LRRTM4: variants seen among roughly 807,000 people sequenced by gnomAD.
LRRTM4 encodes the protein leucine rich repeat transmembrane neuronal 4.
In LRRTM4, 25 loss-of-function variants were observed where a neutral mutation model predicts 47.6. The ratio of observed to expected loss-of-function variants is 0.53; its 90% CI spans 0.38 to 0.73. The LOEUF (loss-of-function observed/expected upper bound fraction) is 0.73. Among genes scored for constraint, LRRTM4 ranks in the 30% least tolerant of loss-of-function variants. The pLI is 0.00. For missense variants in LRRTM4, 638 were observed against 713.4 expected, an observed-to-expected ratio of 0.89 and a Z score of 1.20; for synonymous variants, 311 against 269.5, an observed-to-expected ratio of 1.15 and a Z score of -1.51.
At chr2:76,833,755 G>A (rs970019148) in intron 3 of LRRTM4, among the ~76,000 whole-genome samples, 2 of 151,688 alleles carry the variant, frequency 1.3e-5, no homozygotes, top group Non-Finnish European at 2.9e-5. Flanking sequence ...ATGTGAAAAT[G>A]AGACAATTTT....
At chr2:76,909,382 A>G (rs1219082719) in intron 3 of LRRTM4, among the ~76,000 whole-genome samples, 3 of 152,232 alleles carry the variant, frequency 2.0e-5, no homozygotes, top group African/African-American at 2.4e-5. Flanking sequence ...ACCTAAATCC[A>G]TAAAAACCCT....
intron 3 of LRRTM4, among the ~76,000 whole-genome samples, chr2:77,293,392 T>C (rs114700940): frequency 0.031 from 4,783 of 152,038 alleles, 257 homozygotes; most frequent in African/African-American, 0.11. Flanking sequence ...TTAAGAGAAA[T>C]CCAGGAAATG....
At chr2:77,480,823 GAGAGAGAGAGAGA>G (rs1191002827) in intron 3 of LRRTM4, among the ~76,000 whole-genome samples, 26 of 24,502 alleles carry the variant, frequency 1.1e-3, no homozygotes, top group South Asian at 5.4e-3. Flanking sequence ...TGTGTGTGTG[GAGAGAGAGAGAGA>G]GAGAGAGAGA....
At chr2:77,125,547 C>T (rs1044970270) in intron 3 of LRRTM4, among the ~76,000 whole-genome samples, 4 of 152,108 alleles carry the variant, frequency 2.6e-5, no homozygotes, top group Non-Finnish European at 4.4e-5. Context: ...TAAAAGTAAA[C>T]GAGGACCATC....
chr2:76,786,012 G>C (rs528869307), intron 3 of LRRTM4, among the ~76,000 whole-genome samples: 1 of 152,248 alleles, frequency 6.6e-6, no homozygotes, highest in African/African-American at 2.4e-5. Context: ...ATACCTAGCT[G>C]CTCCTATCTT....
At chr2:77,425,384 C>A (rs534471696) in intron 3 of LRRTM4, among the ~76,000 whole-genome samples, 22 of 152,264 alleles carry the variant, frequency 1.4e-4, no homozygotes, top group African/African-American at 5.1e-4. Flanking sequence ...TATTCTCCAA[C>A]CATCATATTA....
chr2:76,855,041 T>C (rs1044472532), intron 3 of LRRTM4, among the ~76,000 whole-genome samples: 1 of 152,102 alleles, frequency 6.6e-6, no homozygotes, highest in Non-Finnish European at 1.5e-5. Flanking sequence ...GTCAGTGACA[T>C]TTGACCAAAA....
chr2:77,159,941 T>A (rs568548551), intron 3 of LRRTM4, among the ~76,000 whole-genome samples: 4 of 152,316 alleles, frequency 2.6e-5, no homozygotes, highest in Non-Finnish European at 5.9e-5. Flanking sequence ...GATTGTGTAA[T>A]GTCAATTGTT....
chr2:77,075,928 A>AAAAAAAAAAAAAAAG (rs1680323098), intron 3 of LRRTM4, among the ~76,000 whole-genome samples: 1 of 144,750 alleles, frequency 6.9e-6, no homozygotes, highest in Non-Finnish European at 1.5e-5. Context: ...AAAAAAAAAA[A>AAAAAAAAAAAAAAAG]AAAAAAAAAA....
intron 3 of LRRTM4, among the ~76,000 whole-genome samples, chr2:77,097,470 T>C (rs1670841206): frequency 6.6e-6 from 1 of 151,998 alleles, no homozygotes; most frequent in African/African-American, 2.4e-5. Flanking sequence ...CGTAAAATCA[T>C]GTTTAACAAA....
intron 3 of LRRTM4, among the ~76,000 whole-genome samples, chr2:77,070,353 G>T (rs1433153584): frequency 6.6e-6 from 1 of 151,998 alleles, no homozygotes; most frequent in Non-Finnish European, 1.5e-5. Flanking sequence ...TGACTTTATT[G>T]AGAGACAAAT....
At chr2:76,753,653 T>C (rs1296053913) in intron 3 of LRRTM4, among the ~76,000 whole-genome samples, 1 of 152,112 alleles carries the variant, frequency 6.6e-6, no homozygotes, top group Admixed American at 6.6e-5. Context: ...TATTTTTCAA[T>C]GTTGGGAGGC....
In LRRTM4 at chr2:76,858,535, C is replaced by A. The variant is rs372669226; in HGVS notation, c.1552-109619G>T. Among the ~76,000 whole-genome samples, 58 of 152,250 alleles carry A rather than the reference C, an allele frequency of 3.8e-4. 1 individual carries two copies. The East Asian group carries it at 6.2e-3, about 16-fold the overall frequency. ...CTATATGTTTTGTTTCTATGGGGAA[C>A]TGAAATATGCAATGTCTATCCAATT... On this transcript the variant is annotated intron_variant, in intron 3 of 3. Coordinates refer to ENST00000409884, the MANE Select transcript of LRRTM4 (RefSeq NM_001134745.3).
At chr2:77,476,962 A>G (rs1677418037) in intron 3 of LRRTM4, among the ~76,000 whole-genome samples, 1 of 114,456 alleles carries the variant, frequency 8.7e-6, no homozygotes, top group Non-Finnish European at 1.8e-5. Context: ...AATTTGTAAG[A>G]GATGTGTGTG....
intron 3 of LRRTM4, among the ~76,000 whole-genome samples, chr2:77,167,274 A>T (rs1464753858): frequency 6.6e-6 from 1 of 152,190 alleles, no homozygotes; most frequent in Non-Finnish European, 1.5e-5. Context: ...ATCAGTTAGA[A>T]TGGTGATCAT....
intron 3 of LRRTM4, among the ~76,000 whole-genome samples, chr2:77,004,435 T>C (rs1171604949): frequency 6.6e-6 from 1 of 152,208 alleles, no homozygotes; most frequent in East Asian, 1.9e-4. Flanking sequence ...CACATGGTGC[T>C]GAGCTTGTGG....
intron 3 of LRRTM4, among the ~76,000 whole-genome samples, chr2:77,221,397 A>T (rs1451678182): frequency 6.6e-6 from 1 of 152,230 alleles, no homozygotes; most frequent in Non-Finnish European, 1.5e-5. Context: ...TCCAAATAAA[A>T]GACACAGACT....
intron 3 of LRRTM4, among the ~76,000 whole-genome samples, chr2:77,511,749 T>A (rs1679015012): frequency 6.6e-6 from 1 of 152,030 alleles, no homozygotes; most frequent in African/African-American, 2.4e-5. Flanking sequence ...TTTTCACCAT[T>A]TTTAAATATT....
intron 3 of LRRTM4, among the ~76,000 whole-genome samples, chr2:76,824,830 G>C (rs1301912608): frequency 1.3e-5 from 2 of 151,548 alleles, no homozygotes; most frequent in Admixed American, 1.3e-4. Context: ...AATGAATAGA[G>C]TTTGAGTGAA....
Sources: gnomAD v4.1 joint callset for allele counts (sites outside exome capture counted in the v4.1 genomes callset) on GRCh38, gnomAD v4.1.1 for gene constraint, MANE v1.5 for transcripts, NCBI Gene and HGNC (gene_info 2026-07-23, HGNC 2026-07-21) for gene names.